The following OTOGL variants were observed in gnomAD, a reference collection of about 807,000 sequenced individuals.
OTOGL encodes the protein otogelin-like protein.
A neutral mutation model predicts 318.5 loss-of-function variants in OTOGL; 285 were observed. The ratio of observed to expected loss-of-function variants is 0.89; its 90% CI spans 0.81 to 0.99. The LOEUF is 0.99. Ranked by LOEUF, OTOGL falls within the 50% of genes least tolerant of loss-of-function variation. The pLI is 0.00. For synonymous variants in OTOGL, 987 were observed against 936.5 expected, an observed-to-expected ratio of 1.05 and a Z score of -0.99; for missense variants, 2,899 against 2,845.6, an observed-to-expected ratio of 1.02 and a Z score of -0.43.
intron 1 of OTOGL, among the ~76,000 whole-genome samples, chr12:80,143,879 A>G (rs1946893736): frequency 6.6e-6 from 1 of 152,118 alleles, no homozygotes; most frequent in African/African-American, 2.4e-5. Context: ...GTAGTATGCT[A>G]TTCAGGTGTA....
At chr12:80,242,859 C>G (rs902913464) in intron 11 of OTOGL, among the ~76,000 whole-genome samples, 1 of 152,074 alleles carries the variant, frequency 6.6e-6, no homozygotes, top group African/African-American at 2.4e-5. Context: ...CAGAGAGTGC[C>G]TACACAGGCT....
chr12:80,370,784 T>A lies in OTOGL; in HGVS notation c.6735+95T>A. ...AAGGTCATACTTTCATTGTGGCTTA[T>A]ACATAATGGCGAATGTGTTATTTTC... On this transcript the variant is annotated intron_variant, in intron 56 of 58. Coordinates refer to ENST00000547103, the MANE Select transcript of OTOGL (RefSeq NM_001378609.3). The A allele has an allele frequency of 4.3e-6, 4 of 923,586 alleles. No individual in the cohort carries two copies. In the South Asian group the frequency reaches 1.1e-4, roughly 25 times the overall value. The allele number at this position is 923,586 out of a possible 1,614,324, so 57.2% of individuals were successfully genotyped here. A position where few individuals can be genotyped will look rare whatever the true frequency, so the allele number is the denominator to read the frequency against.
chr12:80,273,673 G>A (rs1300381401), intron 24 of OTOGL, among the ~76,000 whole-genome samples: 1 of 152,020 alleles, frequency 6.6e-6, no homozygotes, highest in Non-Finnish European at 1.5e-5. Context: ...GCAGATACAA[G>A]CATACTTTGT....
chr12:80,265,104 A>C lies in OTOGL; in HGVS notation c.2118A>C (p.Ala706=), dbSNP rs907924256. 6.2e-7 allele frequency: 1 copy of C among 1,613,902 alleles called. No individual in the cohort carries two copies. ...GLYYQLCRHD[A]CKCGSSCLCN... is the part of the protein sequence containing the mutation. Reference sequence around the variant, plus strand: ...ACTATCAGCTATGCCGCCACGATGCATGCAAGTGTGGAAGCTCCTGCCTGT... The same window carrying C: ...ACTATCAGCTATGCCGCCACGATGCCTGCAAGTGTGGAAGCTCCTGCCTGT... The change falls in exon 20 of 59, where the codon GCA becomes GCC. Residue 706 remains alanine (A), a synonymous_variant. Coordinates refer to ENST00000547103, the MANE Select transcript of OTOGL (RefSeq NM_001378609.3).
In OTOGL at chr12:80,336,914, TC is replaced by T. The variant is rs771632763; in HGVS notation, c.4773del (p.Ser1592LeufsTer12). On this transcript the variant is annotated frameshift_variant, in exon 42 of 59. Coordinates refer to ENST00000547103, the MANE Select transcript of OTOGL (RefSeq NM_001378609.3). LOFTEE classifies it high-confidence loss of function. ...QNGNSLKKLA[P>X]SGRISGLCFK... ...GTTTTAATTTTTTTCAAATTAAGGC[TC>T]CCTCTGGAAGAATCTCTGGACTTTG... 6.3e-7 allele frequency: 1 copy of T among 1,580,316 alleles called. No homozygotes were observed. The highest frequency in any genetic ancestry group is 2.3e-5 in the East Asian group (1 of 43,728).
chr12:80,219,865 C>T lies in OTOGL; in HGVS notation c.287C>T (p.Thr96Ile). 12 of 1,593,450 alleles carry T rather than the reference C, an allele frequency of 7.5e-6. No individual in the cohort carries two copies. The highest frequency in any genetic ancestry group is 1.3e-5 in the African/African-American group (1 of 74,336). The change falls in exon 6 of 59, where the codon ACA (threonine) becomes ATA (isoleucine). Residue 96 changes from threonine to isoleucine, a missense_variant. Physicochemically the swap from Thr to Ile is moderately conservative, Grantham distance 89. Coordinates refer to ENST00000547103, the MANE Select transcript of OTOGL (RefSeq NM_001378609.3). ...GGAGCTTTCTGTTCTAAGACTGGAA[C>T]ATGTGACTGTCAAATATTTCAGGCT... The part of the protein sequence containing the change: ...LNGAFCSKTG[T>I]CDCQIFQALG...
At position 80,217,624 on chromosome 12, in the gene OTOGL, T is replaced by A. The variant is rs773514349; in HGVS notation, c.195T>A (p.Phe65Leu). The change falls in exon 5 of 59, where the codon TTT becomes TTA. Residue 65 changes from phenylalanine (F) to leucine (L), a missense_variant. By Grantham distance (22) the Phe-to-Leu change is conservative. Around this residue, in one of 3 missense-constraint regions of OTOGL, gnomAD observed 2,607 missense variants for 2,524.9 expected, o/e 1.03. Coordinates refer to ENST00000547103, the MANE Select transcript of OTOGL (RefSeq NM_001378609.3). ...TTGAAGCTACTTCTCCGAGATACTTTTTCCATGATGCTATTAATTGGGGTG... is the reference window on the plus strand; with the variant it reads ...TTGAAGCTACTTCTCCGAGATACTTATTCCATGATGCTATTAATTGGGGTG... The part of the protein sequence containing the change: ...AQFEATSPRY[F>L]FHDAINWGES... 1.3e-6 allele frequency: 2 copies of A among 1,553,924 alleles called. No individual in the cohort carries two copies. The highest frequency in any genetic ancestry group is 8.7e-7 in the Non-Finnish European group (1 of 1,147,972).
In OTOGL at chr12:80,339,264, G is replaced by A. The variant is rs778223464; in HGVS notation, c.5050G>A (p.Gly1684Arg). The change falls in exon 43 of 59, where the codon GGA (glycine) becomes AGA (arginine). Residue 1684 changes from glycine to arginine, a missense_variant and splice_region_variant. This residue lies in a region of OTOGL where 2,607 missense variants were observed against 2,524.9 expected (regional missense o/e 1.03). Coordinates refer to ENST00000547103, the MANE Select transcript of OTOGL (RefSeq NM_001378609.3). ...NLSSYTEGLC[G>R]ICNEDPDDDL... ...GTCATCCTACACAGAAGGACTCTGT[G>A]GTGAGCGCTGCCCTTCAAATCTTGA... The A allele has an allele frequency of 2.2e-5, 35 of 1,557,058 alleles. No homozygotes were observed. Among genetic ancestry groups the A allele is most frequent in the Non-Finnish European group, 2.9e-5 (33 of 1,141,680 alleles).
intron 1 of OTOGL, among the ~76,000 whole-genome samples, chr12:80,120,880 C>T (rs1401445847): frequency 1.3e-5 from 2 of 152,154 alleles, no homozygotes; most frequent in South Asian, 2.1e-4. Context: ...GACCCTTATT[C>T]CCCTGAGAAC....
chr12:80,308,750 C>T (rs1019962712), intron 29 of OTOGL, among the ~76,000 whole-genome samples: 1 of 152,214 alleles, frequency 6.6e-6, no homozygotes, highest in African/African-American at 2.4e-5. Context: ...GGATCACTCG[C>T]GGTTAGGAGC....
chr12:80,152,010 G>C (rs1315385014), intron 1 of OTOGL, among the ~76,000 whole-genome samples: 1 of 152,092 alleles, frequency 6.6e-6, no homozygotes, highest in African/African-American at 2.4e-5. Context: ...TCAAATAACT[G>C]TCCCCCAAAT....
intron 52 of OTOGL, 112 bp from the exon 53 acceptor site, chr12:80,366,462 A>ATGTG (rs770491569): frequency 7.7e-6 from 3 of 391,172 alleles, no homozygotes; most frequent in Admixed American, 6.3e-5. Flanking sequence ...ATCACTGAGT[A>ATGTG]TGTGTGTGTG....
At chr12:80,157,619 G>C (rs1050129925) in intron 1 of OTOGL, among the ~76,000 whole-genome samples, 1 of 152,032 alleles carries the variant, frequency 6.6e-6, no homozygotes, top group Non-Finnish European at 1.5e-5. Context: ...GAGAGATAGG[G>C]GTTTAGTTTC....
chr12:80,377,770 G>T, intron 58 of OTOGL, 78 bp from the exon 59 acceptor site: 2 of 1,144,170 alleles, frequency 1.7e-6, no homozygotes, highest in Non-Finnish European at 2.5e-6. Context: ...ATTTTCATCA[G>T]ATTTTCTTAG....
At chr12:80,113,131 T>G (rs4293183) in intron 1 of OTOGL, among the ~76,000 whole-genome samples, 1 of 151,812 alleles carries the variant, frequency 6.6e-6, no homozygotes, top group Non-Finnish European at 1.5e-5. Flanking sequence ...TGTGTCTATT[T>G]GATTCTTCTT....
chr12:80,257,625 G>A (rs1486554131), intron 17 of OTOGL, among the ~76,000 whole-genome samples, 200 bp from the exon 18 acceptor site: 1 of 152,010 alleles, frequency 6.6e-6, no homozygotes, highest in Non-Finnish European at 1.5e-5. Context: ...CAGGAAGGAG[G>A]GAGAAAAGGA....
chr12:80,101,368 T>C (rs190499531), intron 1 of OTOGL, among the ~76,000 whole-genome samples: 7 of 152,310 alleles, frequency 4.6e-5, no homozygotes, highest in African/African-American at 1.7e-4. Context: ...TATTTGAGTG[T>C]AAGAATTAAG....
At chr12:80,205,299 A>C (rs1444711198) in intron 1 of OTOGL, among the ~76,000 whole-genome samples, 1 of 152,194 alleles carries the variant, frequency 6.6e-6, no homozygotes, top group Admixed American at 6.5e-5. Flanking sequence ...ACTTTAGTTG[A>C]AGAAACATTA....
chr12:80,333,198 C>A, intron 38 of OTOGL, 120 bp downstream of exon 38: 1 of 759,952 alleles, frequency 1.3e-6, no homozygotes, highest in Non-Finnish European at 2.1e-6. Context: ...TCTAGCCTTG[C>A]TAAAAGATAT....
Sources: allele counts gnomAD v4.1 joint callset (sites outside exome capture counted in the v4.1 genomes callset), GRCh38; gene constraint gnomAD v4.1.1; regional missense constraint gnomAD v4.1.1; transcripts MANE v1.5; gene names NCBI Gene and HGNC (gene_info 2026-07-23, HGNC 2026-07-21).